The following MEGF10 variants were observed in gnomAD, a reference collection of about 807,000 sequenced individuals.
MEGF10 encodes multiple epidermal growth factor-like domains protein 10.
In MEGF10, 86 loss-of-function variants were observed where a neutral mutation model predicts 147.5. That is an observed-to-expected ratio of 0.58 (90% CI 0.49 to 0.70). MEGF10 has a LOEUF of 0.70. Among genes scored for constraint, MEGF10 ranks in the 30% least tolerant of loss-of-function variants. The probability of loss-of-function intolerance (pLI) is 0.00; values close to 1 mark genes in which losing one functional copy is unlikely to be tolerated. For synonymous variants in MEGF10, 478 were observed against 525.5 expected (o/e 0.91, Z 1.24); for missense variants, 1,329 against 1,487.3 (o/e 0.89, Z 1.75).
chr5:127,413,261 A>T (rs1433320752), intron 9 of MEGF10, among the ~76,000 whole-genome samples: 1 of 152,202 alleles, frequency 6.6e-6, no homozygotes, highest in Non-Finnish European at 1.5e-5. Flanking sequence ...CTGAAAACTA[A>T]CTGTTATGGT....
chr5:127,405,140 A>G (rs1764275554), intron 8 of MEGF10, among the ~76,000 whole-genome samples: 1 of 152,192 alleles, frequency 6.6e-6, no homozygotes, highest in Non-Finnish European at 1.5e-5. Flanking sequence ...ATTTCTATGA[A>G]CTATGTAAAT....
At chr5:127,319,535 C>T (rs1265571700) in intron 1 of MEGF10, among the ~76,000 whole-genome samples, 1 of 152,180 alleles carries the variant, frequency 6.6e-6, no homozygotes, top group African/African-American at 2.4e-5. Flanking sequence ...AAGAAGGCAT[C>T]ATTGCACTGA....
intron 4 of MEGF10, among the ~76,000 whole-genome samples, chr5:127,358,913 T>A (rs80205044): frequency 6.6e-6 from 1 of 152,324 alleles, no homozygotes; most frequent in African/African-American, 2.4e-5. Flanking sequence ...GTGGCCAGAA[T>A]AGATAATGCC....
intron 1 of MEGF10, among the ~76,000 whole-genome samples, chr5:127,292,028 T>A (rs1759281196): frequency 1.3e-5 from 2 of 152,196 alleles, no homozygotes; most frequent in Non-Finnish European, 2.9e-5. Context: ...ATATCCTGGG[T>A]CTCACTTTGT....
At chr5:127,320,464 TAGATACCACAGGA>T (rs143222159) in intron 1 of MEGF10, among the ~76,000 whole-genome samples, 2,752 of 152,338 alleles carry the variant, frequency 0.018, 73 homozygotes, top group East Asian at 0.11. Context: ...AAGATCAGTC[TAGATACCACAGGA>T]AGTGGTGTTG....
intron 16 of MEGF10, among the ~76,000 whole-genome samples, chr5:127,437,402 C>G (rs72790422): frequency 0.12 from 18,449 of 152,112 alleles, 1,287 homozygotes; most frequent in South Asian, 0.19. Flanking sequence ...GTATTTTCCC[C>G]TTGCTCTTGG....
In MEGF10 at chr5:127,417,647, C is replaced by T; in HGVS notation, c.1140C>T (p.Pro380=). The change falls in exon 10 of 25, where the codon CCC becomes CCT. Residue 380 remains proline, a synonymous_variant. Coordinates refer to ENST00000503335, the MANE Select transcript of MEGF10 (RefSeq NM_001256545.2). Reference sequence around the variant, plus strand: ...CATCCATGTCTCTCAGCTGTCACCCCATGTCTGGAGAGTGTGCCTGCAAGC... The same window carrying T: ...CATCCATGTCTCTCAGCTGTCACCCTATGTCTGGAGAGTGTGCCTGCAAGC... The part of the protein sequence containing the change: ...CHLENTHSCH[P]MSGECACKPG... 1.2e-6 allele frequency: 2 copies of T among 1,614,120 alleles called. No individual in the cohort carries two copies. Among genetic ancestry groups the T allele is most frequent in the African/African-American group, 1.3e-5 (1 of 75,034 alleles).
chr5:127,260,744 C>A, the MEGF10 span, among the ~76,000 whole-genome samples: 21 of 152,004 alleles, frequency 1.4e-4, no homozygotes, highest in Admixed American at 4.6e-4. Flanking sequence ...GCATTTCGAG[C>A]AGAGTGGATT....
At chr5:127,327,067 A>G (rs2126775175) in intron 1 of MEGF10, among the ~76,000 whole-genome samples, 1 of 152,330 alleles carries the variant, frequency 6.6e-6, no homozygotes, top group African/African-American at 2.4e-5. Flanking sequence ...CTGATTATTT[A>G]CTGAGGCTTT....
intron 10 of MEGF10, among the ~76,000 whole-genome samples, chr5:127,418,060 G>A (rs541567976): frequency 4.9e-4 from 75 of 152,224 alleles, no homozygotes; most frequent in South Asian, 3.5e-3. Flanking sequence ...ATGTCAGAAA[G>A]CATATTATAA....
At chr5:127,249,403 T>C in the MEGF10 span, among the ~76,000 whole-genome samples, 5 of 151,250 alleles carry the variant, frequency 3.3e-5, no homozygotes, top group African/African-American at 9.7e-5. Flanking sequence ...AAATACCCAA[T>C]AGAGATAGAG....
rs949882797 is a variant in MEGF10 at position 127,430,729 on chromosome 5, G to A, written c.1694-2634G>A. Among the ~76,000 whole-genome samples, 14 of 152,176 alleles carry A rather than the reference G, an allele frequency of 9.2e-5. 1 individual carries two copies. The highest frequency in any genetic ancestry group is 2.9e-4 in the African/African-American group (12 of 41,426). On this transcript the variant is annotated intron_variant, in intron 13 of 24. Transcript: ENST00000503335. Reference sequence around the variant, plus strand: ...GCAATAGGAGAAGAGGGTACAGCAAGAGGAGGAAAGACAACTCCACACCTT... The same window carrying A: ...GCAATAGGAGAAGAGGGTACAGCAAAAGGAGGAAAGACAACTCCACACCTT...
chr5:127,313,937 T>A (rs1159075724), intron 1 of MEGF10, among the ~76,000 whole-genome samples: 1 of 152,192 alleles, frequency 6.6e-6, no homozygotes, highest in Admixed American at 6.5e-5. Flanking sequence ...ACACCTCATG[T>A]TTTACTTTCG....
chr5:127,281,785 A>G, the MEGF10 span, among the ~76,000 whole-genome samples: 5 of 152,198 alleles, frequency 3.3e-5, no homozygotes, highest in East Asian at 9.6e-4. Context: ...CAGGGGCCCC[A>G]GTTGCACAGG....
chr5:127,242,361 C>A, the MEGF10 span, among the ~76,000 whole-genome samples: 1 of 152,280 alleles, frequency 6.6e-6, no homozygotes, highest in Non-Finnish European at 1.5e-5. Flanking sequence ...ATAACCCCTT[C>A]TCTGGTTAAA....
intron 13 of MEGF10, among the ~76,000 whole-genome samples, chr5:127,427,632 G>T (rs1477913006): frequency 6.6e-6 from 1 of 152,068 alleles, no homozygotes; most frequent in Non-Finnish European, 1.5e-5. Flanking sequence ...CACAAGGAAA[G>T]CTCTCCTTTC....
At chr5:127,382,931 TG>T (rs1763310145) in intron 5 of MEGF10, among the ~76,000 whole-genome samples, 1 of 152,202 alleles carries the variant, frequency 6.6e-6, no homozygotes, top group East Asian at 1.9e-4. Flanking sequence ...TTAAGAAGTC[TG>T]GCAATGGTTA....
chr5:127,343,659 ATCT>A (rs1428997819), intron 4 of MEGF10, among the ~76,000 whole-genome samples: 2 of 151,862 alleles, frequency 1.3e-5, no homozygotes, highest in African/African-American at 4.8e-5. Context: ...GTGAAGAATG[ATCT>A]TCTCAGGGCC....
In MEGF10 at chr5:127,290,828, A is replaced by C. The variant is rs1759218540; in HGVS notation, c.-247A>C. 1 of 152,198 alleles carries C rather than the reference A, an allele frequency of 6.6e-6. No homozygotes were observed. The highest frequency in any genetic ancestry group is 2.4e-5 in the African/African-American group (1 of 41,436). The allele number at this position is 152,198 out of a possible 1,614,324, so 9.4% of individuals were successfully genotyped here. A position where few individuals can be genotyped will look rare whatever the true frequency, so the allele number is the denominator to read the frequency against. On this transcript the variant is annotated 5_prime_UTR_variant, in exon 1 of 25. Coordinates refer to ENST00000503335, the MANE Select transcript of MEGF10 (RefSeq NM_001256545.2). The stretch of plus-strand genomic sequence containing the variant: ...GAAAACCTTGTTCAAGTTTGCAGCA[A>C]GTACTTTCCCGGTGCGCAAAACTGG...
Sources: gnomAD v4.1 joint callset for allele counts (sites outside exome capture counted in the v4.1 genomes callset) on GRCh38, gnomAD v4.1.1 for gene constraint, MANE v1.5 for transcripts, NCBI Gene and HGNC (gene_info 2026-07-23, HGNC 2026-07-21) for gene names.